The following SNX25 variants were observed in gnomAD, a reference collection of about 807,000 sequenced individuals.
SNX25 encodes the protein sorting nexin 25, also known as sorting nexin-25.
Under a neutral mutation model 113.7 loss-of-function variants are expected in SNX25, and 62 were observed. That is an observed-to-expected ratio of 0.55 (90% CI 0.44 to 0.67). The LOEUF is 0.67. Ranked by LOEUF, SNX25 falls within the 30% of genes least tolerant of loss-of-function variation. SNX25 has a pLI of 0.00. For synonymous variants in SNX25, 421 were observed against 436.2 expected (o/e 0.97, Z 0.43); for missense variants, 1,014 against 1,161.0 (o/e 0.87, Z 1.84).
chr4:185,239,368 A>G (rs915825369), intron 1 of SNX25, among the ~76,000 whole-genome samples: 6 of 152,128 alleles, frequency 3.9e-5, no homozygotes, highest in Non-Finnish European at 7.4e-5. Flanking sequence ...CTGTAGTCCC[A>G]GCTACTCGGG....
intron 1 of SNX25, among the ~76,000 whole-genome samples, chr4:185,214,907 G>A (rs974688863): frequency 2.0e-5 from 3 of 152,156 alleles, no homozygotes; most frequent in African/African-American, 7.2e-5. Flanking sequence ...CTAGAGAAGG[G>A]TCAGAGCTTT....
intron 1 of SNX25, among the ~76,000 whole-genome samples, chr4:185,213,614 T>G (rs2111481195): frequency 6.6e-6 from 1 of 152,256 alleles, no homozygotes; most frequent in Non-Finnish European, 1.5e-5. Context: ...GTGTCCAAGG[T>G]TGTCTTTCTA....
At chr4:185,241,361 G>A (rs543319419) in intron 1 of SNX25, among the ~76,000 whole-genome samples, 4 of 151,246 alleles carry the variant, frequency 2.6e-5, no homozygotes, top group Admixed American at 1.3e-4. Flanking sequence ...GCCTGCAATC[G>A]CAGGCACTCG....
chr4:185,378,075 T>A, the SNX25 span: 8 of 1,606,576 alleles, frequency 5.0e-6, no homozygotes, highest in Non-Finnish European at 6.8e-6. Flanking sequence ...ATATCAGGAT[T>A]TGTACCAGTC....
intron 1 of SNX25, among the ~76,000 whole-genome samples, chr4:185,242,773 G>T (rs1216530025): frequency 6.6e-6 from 1 of 152,166 alleles, no homozygotes; most frequent in Non-Finnish European, 1.5e-5. Context: ...AGAGTAGAAG[G>T]AGGGCAGAAA....
At chr4:185,321,163 A>G (rs2095116643) in intron 8 of SNX25, among the ~76,000 whole-genome samples, 2 of 151,884 alleles carry the variant, frequency 1.3e-5, no homozygotes, top group African/African-American at 4.8e-5. Flanking sequence ...CCACATTACT[A>G]TTATAATGAA....
intron 1 of SNX25, among the ~76,000 whole-genome samples, chr4:185,241,241 C>G (rs190474476): frequency 6.6e-6 from 1 of 152,128 alleles, no homozygotes; most frequent in East Asian, 1.9e-4. Context: ...CTCAGGAGGC[C>G]GAGGCTGGCG....
intron 1 of SNX25, among the ~76,000 whole-genome samples, chr4:185,239,763 A>ATTTTTTT (rs200021607): frequency 1.8e-4 from 22 of 122,432 alleles, no homozygotes; most frequent in Middle Eastern, 4.3e-3. Flanking sequence ...AATAAGGTGT[A>ATTTTTTT]TTTTTTTTTT....
downstream of SNX25, chr4:185,364,369 A>G (rs1438677441): frequency 6.6e-6 from 1 of 152,214 alleles, no homozygotes; most frequent in South Asian, 2.1e-4. Context: ...GCCATGCACA[A>G]GTACTTAATT....
chr4:185,240,561 C>T (rs1284995032), intron 1 of SNX25, among the ~76,000 whole-genome samples: 4 of 147,808 alleles, frequency 2.7e-5, no homozygotes, highest in Non-Finnish European at 6.0e-5. Context: ...GGCGGCTGGC[C>T]GGGCAGAGGG....
At chr4:185,236,583 A>G (rs1742683397) in intron 1 of SNX25, among the ~76,000 whole-genome samples, 1 of 152,222 alleles carries the variant, frequency 6.6e-6, no homozygotes, top group Admixed American at 6.5e-5. Context: ...AAGAGAATAA[A>G]TTATGATATA....
intron 12 of SNX25, among the ~76,000 whole-genome samples, chr4:185,345,983 C>T (rs546214208): frequency 1.9e-4 from 29 of 152,158 alleles, no homozygotes; most frequent in African/African-American, 7.0e-4. Flanking sequence ...TCAGCCTCCC[C>T]AGTAGCTGGG....
At chr4:185,291,778 T>C (rs529407910) in intron 6 of SNX25, among the ~76,000 whole-genome samples, 2 of 152,232 alleles carry the variant, frequency 1.3e-5, no homozygotes, top group Non-Finnish European at 2.9e-5. Context: ...ACTAGTCATA[T>C]TGGATTGGGG....
At chr4:185,302,674 C>T (rs1174485560) in intron 6 of SNX25, among the ~76,000 whole-genome samples, 1 of 152,220 alleles carries the variant, frequency 6.6e-6, no homozygotes, top group Non-Finnish European at 1.5e-5. Context: ...ACTCTGCCAG[C>T]ACCTTGCTTG....
chr4:185,311,133 A>T (rs1435123677), intron 7 of SNX25, among the ~76,000 whole-genome samples: 1 of 152,188 alleles, frequency 6.6e-6, no homozygotes, highest in Non-Finnish European at 1.5e-5. Flanking sequence ...CAAGTTTCCC[A>T]TTATCAATTG....
chr4:185,231,184 T>C (rs1450122072), intron 1 of SNX25, among the ~76,000 whole-genome samples: 1 of 151,416 alleles, frequency 6.6e-6, no homozygotes, highest in Non-Finnish European at 1.5e-5. Flanking sequence ...CTGCAAGCTC[T>C]GCTTCCTGGG....
At chr4:185,358,860 T>C (rs77426661) in intron 16 of SNX25, among the ~76,000 whole-genome samples, 6,258 of 152,294 alleles carry the variant, frequency 0.041, 203 homozygotes, top group Non-Finnish European at 0.064. Context: ...TAAGATGAAA[T>C]TATCAGATTT....
intron 1 of SNX25, among the ~76,000 whole-genome samples, chr4:185,223,779 T>C (rs1740395886): frequency 6.6e-6 from 1 of 151,970 alleles, no homozygotes; most frequent in Non-Finnish European, 1.5e-5. Flanking sequence ...TGGTTCTCTT[T>C]CCTTTTGTGA....
chr4:185,234,926 A>C (rs1742393726), intron 1 of SNX25, among the ~76,000 whole-genome samples: 1 of 152,222 alleles, frequency 6.6e-6, no homozygotes, highest in Non-Finnish European at 1.5e-5. Context: ...CTGCAGCTTC[A>C]TTTATTCTGG....
Sources: allele counts gnomAD v4.1 joint callset (sites outside exome capture counted in the v4.1 genomes callset), GRCh38; gene constraint gnomAD v4.1.1; transcripts MANE v1.5; gene names NCBI Gene and HGNC (gene_info 2026-07-23, HGNC 2026-07-21).